DPYD: variants seen among roughly 807,000 people sequenced by gnomAD.
The protein encoded by DPYD is dihydropyrimidine dehydrogenase [NADP(+)].
DPYD carries 109 observed loss-of-function variants against 116.2 expected under a neutral mutation model. The ratio of observed to expected loss-of-function variants is 0.94; its 90% CI spans 0.80 to 1.10. The LOEUF is 1.10. Among genes scored for constraint, DPYD ranks in the 50% least tolerant of loss-of-function variants. The pLI, the probability that DPYD is intolerant of heterozygous loss-of-function variation, is 0.00. For synonymous variants in DPYD, 440 were observed against 432.0 expected (o/e 1.02, Z -0.23); for missense variants, 1,302 against 1,254.5 (o/e 1.04, Z -0.57).
At chr1:97,205,572 C>A (rs911699645) in intron 19 of DPYD, among the ~76,000 whole-genome samples, 11 of 151,874 alleles carry the variant, frequency 7.2e-5, no homozygotes, top group African/African-American at 2.7e-4. Flanking sequence ...AATATAAAAC[C>A]ATTTTTCTAT....
intron 18 of DPYD, among the ~76,000 whole-genome samples, chr1:97,235,469 T>G (rs761283185): frequency 8.6e-5 from 13 of 151,778 alleles, no homozygotes; most frequent in Non-Finnish European, 1.9e-4. Context: ...AATACAAAAA[T>G]AAACATTAAC....
In DPYD at chr1:97,884,631, C is replaced by G. The variant is rs145111916; in HGVS notation, c.40-1257G>C. On this transcript the variant is annotated intron_variant, in intron 1 of 22. Coordinates refer to ENST00000370192, the MANE Select transcript of DPYD (RefSeq NM_000110.4). Reference sequence around the variant, plus strand: ...TGATGTTCATTTCAAAAGTCTTCTTCCATGAAGTTACCCCTAACTAATCTA... The same window carrying G: ...TGATGTTCATTTCAAAAGTCTTCTTGCATGAAGTTACCCCTAACTAATCTA... Among the ~76,000 whole-genome samples, 934 of 152,108 alleles carry G rather than the reference C, an allele frequency of 6.1e-3. 8 individuals carry two copies. The highest frequency in any genetic ancestry group is 0.021 in the African/African-American group (884 of 41,540).
chr1:97,217,947 G>T (rs1660522710), intron 19 of DPYD, among the ~76,000 whole-genome samples: 1 of 152,146 alleles, frequency 6.6e-6, no homozygotes, highest in Non-Finnish European at 1.5e-5. Context: ...CAATGAGATA[G>T]GTACTATAAC....
chr1:97,730,819 T>C (rs1014167128), intron 4 of DPYD, among the ~76,000 whole-genome samples: 1 of 151,932 alleles, frequency 6.6e-6, no homozygotes, highest in African/African-American at 2.4e-5. Flanking sequence ...AGGATACTTT[T>C]CTACATCGAA....
intron 21 of DPYD, among the ~76,000 whole-genome samples, chr1:97,085,646 G>A (rs748997809): frequency 1.3e-4 from 20 of 152,170 alleles, no homozygotes; most frequent in Non-Finnish European, 2.8e-4. Context: ...AAGCCTCCAG[G>A]TAGTACTACC....
At chr1:97,350,734 T>A (rs185704644) in intron 16 of DPYD, among the ~76,000 whole-genome samples, 1 of 152,180 alleles carries the variant, frequency 6.6e-6, no homozygotes, top group African/African-American at 2.4e-5. Flanking sequence ...TTGTTTTACA[T>A]ACTGACTTTA....
At chr1:97,236,039 T>C (rs1239774225) in intron 18 of DPYD, among the ~76,000 whole-genome samples, 1 of 152,192 alleles carries the variant, frequency 6.6e-6, no homozygotes, top group Non-Finnish European at 1.5e-5. Context: ...AAAATGAGTA[T>C]ATTGTACTAA....
chr1:97,333,298 C>G (rs1222301875), intron 16 of DPYD, among the ~76,000 whole-genome samples: 1 of 151,936 alleles, frequency 6.6e-6, no homozygotes, highest in East Asian at 1.9e-4. Flanking sequence ...TCTTGCCCAG[C>G]TCTGCAAGTG....
rs562016019 is a variant in DPYD, at chr1:97,385,004, G to A, written c.1906-2543C>T. The stretch of plus-strand genomic sequence containing the variant: ...GTGAAACTACAGCTTTTCAGAATTG[G>A]GGAGAAAAATGTAAGAATGCTTGTT... On this transcript the variant is annotated intron_variant, in intron 14 of 22. Coordinates refer to ENST00000370192, the MANE Select transcript of DPYD (RefSeq NM_000110.4). Among the ~76,000 whole-genome samples the A allele has an allele frequency of 5.3e-5, 8 of 151,996 alleles. 1 individual carries two copies. The South Asian group carries it at 1.7e-3, about 32-fold the overall frequency.
rs1021830805 is a variant in DPYD, at chr1:97,546,241, A to G, written c.1524+3319T>C. ...TGGCAACAGAAGAGTAAAGGACCCAAGAAAACTGCTAAATCAAAAAAAAAG... is the reference window on the plus strand; with the variant it reads ...TGGCAACAGAAGAGTAAAGGACCCAGGAAAACTGCTAAATCAAAAAAAAAG... On this transcript the variant is annotated intron_variant, in intron 12 of 22. Coordinates refer to ENST00000370192, the MANE Select transcript of DPYD (RefSeq NM_000110.4). 7.9e-6 allele frequency: 12 copies of G among 1,523,916 alleles called. No individual in the cohort carries two copies. The African/African-American group carries it at 1.5e-4, about 19-fold the overall frequency. 94.4% of individuals were successfully genotyped at this position (1,523,916 alleles called of 1,614,324 possible).
intron 1 of DPYD, among the ~76,000 whole-genome samples, chr1:97,919,223 C>T (rs2101724105): frequency 6.6e-6 from 1 of 152,288 alleles, no homozygotes; most frequent in East Asian, 1.9e-4. Flanking sequence ...ATATGAACTA[C>T]ATAAGAGCTG....
intron 8 of DPYD, among the ~76,000 whole-genome samples, chr1:97,602,319 C>T (rs977323233): frequency 6.6e-6 from 1 of 151,864 alleles, no homozygotes; most frequent in Non-Finnish European, 1.5e-5. Flanking sequence ...CAAATTCTAT[C>T]GTGCCAATGT....
chr1:97,545,525 T>C (rs1016143934), intron 12 of DPYD, among the ~76,000 whole-genome samples: 2 of 152,148 alleles, frequency 1.3e-5, no homozygotes, highest in African/African-American at 4.8e-5. Context: ...GCAGTGAATC[T>C]GAAATGTAGG....
intron 11 of DPYD, among the ~76,000 whole-genome samples, chr1:97,554,952 G>A (rs1651585002): frequency 6.6e-6 from 1 of 151,758 alleles, no homozygotes; most frequent in Non-Finnish European, 1.5e-5. Context: ...AAAAAACTTT[G>A]TTTTTGACAT....
chr1:97,454,068 T>C (rs1440839485), intron 13 of DPYD, among the ~76,000 whole-genome samples: 1 of 152,022 alleles, frequency 6.6e-6, no homozygotes, highest in Non-Finnish European at 1.5e-5. Context: ...ATCATAGAAA[T>C]TCAACATTTT....
At chr1:97,473,609 G>A (rs1677780435) in intron 13 of DPYD, among the ~76,000 whole-genome samples, 2 of 152,166 alleles carry the variant, frequency 1.3e-5, no homozygotes, top group African/African-American at 4.8e-5. Flanking sequence ...AATTTGGATG[G>A]CTAGTATCAA....
chr1:97,716,794 C>T (rs956362377), intron 5 of DPYD, among the ~76,000 whole-genome samples: 4 of 152,052 alleles, frequency 2.6e-5, no homozygotes, highest in African/African-American at 9.7e-5. Context: ...AGACCATATT[C>T]ATCAATGAAT....
intron 16 of DPYD, among the ~76,000 whole-genome samples, chr1:97,330,626 T>C (rs1053837795): frequency 2.6e-5 from 4 of 152,144 alleles, no homozygotes; most frequent in Non-Finnish European, 4.4e-5. Flanking sequence ...TTTAAAAATA[T>C]ACAACAGGGC....
intron 20 of DPYD, among the ~76,000 whole-genome samples, chr1:97,099,286 G>T (rs1374265322): frequency 6.6e-6 from 1 of 152,030 alleles, no homozygotes; most frequent in Non-Finnish European, 1.5e-5. Flanking sequence ...AAAAGGAGAG[G>T]AAATATTACA....
Sources: allele counts gnomAD v4.1 joint callset (sites outside exome capture counted in the v4.1 genomes callset), GRCh38; gene constraint gnomAD v4.1.1; transcripts MANE v1.5; gene names NCBI Gene and HGNC (gene_info 2026-07-23, HGNC 2026-07-21).